PLD5: variants seen among roughly 807,000 people sequenced by gnomAD.
PLD5 encodes inactive phospholipase D5.
Under a neutral mutation model 61.1 loss-of-function variants are expected in PLD5, and 36 were observed. The observed-to-expected ratio is 0.59, with a 90% CI of 0.45 to 0.78. The LOEUF (loss-of-function observed/expected upper bound fraction) is 0.78. PLD5 is among the 30% of genes least tolerant of loss of function. The pLI is 0.00. For missense variants in PLD5, 515 were observed against 644.4 expected, an observed-to-expected ratio of 0.80 and a Z score of 2.17; for synonymous variants, 243 against 242.8, an observed-to-expected ratio of 1.00 and a Z score of -0.01.
intron 2 of PLD5, among the ~76,000 whole-genome samples, chr1:242,307,860 C>A (rs1676468538): frequency 6.6e-6 from 1 of 152,134 alleles, no homozygotes; most frequent in East Asian, 1.9e-4. Flanking sequence ...CATTAAGTCA[C>A]CAAATCTAGC....
chr1:242,364,334 T>C (rs1661225914), intron 1 of PLD5, among the ~76,000 whole-genome samples: 1 of 152,220 alleles, frequency 6.6e-6, no homozygotes, highest in African/African-American at 2.4e-5. Flanking sequence ...CTCCACTAAA[T>C]AAATAGAATT....
At chr1:242,450,335 G>T (rs1009836044) in intron 1 of PLD5, among the ~76,000 whole-genome samples, 1 of 152,162 alleles carries the variant, frequency 6.6e-6, no homozygotes, top group African/African-American at 2.4e-5. Context: ...CAGGTGCCAT[G>T]CTTCTTTTGT....
At chr1:242,512,470 G>A (rs1421004978) in intron 1 of PLD5, among the ~76,000 whole-genome samples, 1 of 151,540 alleles carries the variant, frequency 6.6e-6, no homozygotes, top group Non-Finnish European at 1.5e-5. Flanking sequence ...CCCTGCTGCA[G>A]AGTGTCTTAC....
chr1:242,129,497 C>T (rs187130379), intron 5 of PLD5, among the ~76,000 whole-genome samples: 10 of 152,216 alleles, frequency 6.6e-5, no homozygotes, highest in Admixed American at 1.3e-4. Context: ...TCGCCCACAG[C>T]AAGAAATTCA....
chr1:242,191,281 A>G (rs1668268793), intron 5 of PLD5, among the ~76,000 whole-genome samples: 1 of 152,168 alleles, frequency 6.6e-6, no homozygotes. Flanking sequence ...ATTTAAAAGA[A>G]GGTATTTAAA....
At chr1:242,374,169 C>T (rs1661816008) in intron 1 of PLD5, among the ~76,000 whole-genome samples, 1 of 152,082 alleles carries the variant, frequency 6.6e-6, no homozygotes, top group East Asian at 1.9e-4. Flanking sequence ...AATTGCATGT[C>T]AATTCTTTGT....
At chr1:242,347,215 A>C (rs1346560540) in intron 2 of PLD5, among the ~76,000 whole-genome samples, 2 of 152,138 alleles carry the variant, frequency 1.3e-5, no homozygotes, top group South Asian at 4.1e-4. Context: ...CCAGGATAAA[A>C]CTCACATACA....
intron 1 of PLD5, among the ~76,000 whole-genome samples, chr1:242,463,388 A>T (rs914771224): frequency 6.6e-6 from 1 of 152,182 alleles, no homozygotes; most frequent in African/African-American, 2.4e-5. Context: ...AGACTAGGGA[A>T]AAACAAACTC....
intron 5 of PLD5, among the ~76,000 whole-genome samples, chr1:242,214,969 C>T (rs531789455): frequency 1.5e-4 from 23 of 149,798 alleles, no homozygotes; most frequent in African/African-American, 5.2e-4. Flanking sequence ...CTCTGCCTCC[C>T]GGGTTCACGC....
intron 1 of PLD5, among the ~76,000 whole-genome samples, chr1:242,395,470 G>C (rs993815841): frequency 6.6e-6 from 1 of 152,084 alleles, no homozygotes; most frequent in Admixed American, 6.5e-5. Context: ...GGAATCATTA[G>C]AGAATTAAGA....
chr1:242,248,754 C>A (rs973402840), intron 4 of PLD5, among the ~76,000 whole-genome samples: 4 of 152,108 alleles, frequency 2.6e-5, no homozygotes, highest in African/African-American at 9.7e-5. Flanking sequence ...TCAAGAGGAA[C>A]CATAATTTAT....
chr1:242,297,861 G>A (rs371463849), intron 2 of PLD5, among the ~76,000 whole-genome samples: 5 of 150,408 alleles, frequency 3.3e-5, no homozygotes, highest in Admixed American at 2.0e-4. Context: ...GGATGGTCTC[G>A]ATCTCCTGAC....
Position 242,496,965 on chromosome 1 carries a change from C to T in PLD5, c.189+27123G>A, listed in dbSNP as rs529630343. 3.3e-5 allele frequency among the ~76,000 whole-genome samples: 5 copies of T among 152,354 alleles called. No individual in the cohort carries two copies. The East Asian group carries it at 9.7e-4, about 29-fold the overall frequency. Reference sequence around the variant, plus strand: ...TGTTCCTTCTTGCCCTTCCTCCATCCTCTGGCTGAGAAAGTGGGCTGGACT... The same window carrying T: ...TGTTCCTTCTTGCCCTTCCTCCATCTTCTGGCTGAGAAAGTGGGCTGGACT... On this transcript the variant is annotated intron_variant, in intron 1 of 9. Coordinates refer to ENST00000536534, the MANE Select transcript of PLD5 (RefSeq NM_001372062.1).
At chr1:242,300,215 G>A (rs1675944459) in intron 2 of PLD5, among the ~76,000 whole-genome samples, 1 of 152,134 alleles carries the variant, frequency 6.6e-6, no homozygotes, top group African/African-American at 2.4e-5. Flanking sequence ...AAGGCGGGTG[G>A]ATCACCTGAG....
intron 5 of PLD5, among the ~76,000 whole-genome samples, chr1:242,146,964 A>G (rs1043934150): frequency 2.0e-5 from 3 of 152,226 alleles, no homozygotes; most frequent in South Asian, 2.1e-4. Flanking sequence ...CAGTTTTTAA[A>G]TCCATTACCA....
intron 4 of PLD5, among the ~76,000 whole-genome samples, chr1:242,253,115 C>CTTTT (rs35097685): frequency 2.7e-5 from 2 of 73,198 alleles, no homozygotes; most frequent in African/African-American, 9.6e-5. Context: ...GTGTATGGCC[C>CTTTT]TTTTTTTTTT....
chr1:242,162,833 TA>T (rs1182622849), intron 5 of PLD5, among the ~76,000 whole-genome samples: 1 of 152,164 alleles, frequency 6.6e-6, no homozygotes, highest in Non-Finnish European at 1.5e-5. Flanking sequence ...GCATGTGCAT[TA>T]TTCTTAGGTT....
chr1:242,090,152 A>G, intron 9 of PLD5, 42 bp from the exon 10 acceptor site: 4 of 1,607,106 alleles, frequency 2.5e-6, no homozygotes, highest in Non-Finnish European at 3.4e-6. Context: ...GTTAGAGTCC[A>G]CTGGGAACAT....
chr1:242,161,961 G>T (rs912508187), intron 5 of PLD5, among the ~76,000 whole-genome samples: 9 of 152,154 alleles, frequency 5.9e-5, no homozygotes, highest in African/African-American at 2.2e-4. Flanking sequence ...AGACACAGCT[G>T]TTCAACCTCA....
Sources: allele counts gnomAD v4.1 joint callset (sites outside exome capture counted in the v4.1 genomes callset), GRCh38; gene constraint gnomAD v4.1.1; transcripts MANE v1.5; gene names NCBI Gene and HGNC (gene_info 2026-07-23, HGNC 2026-07-21).